The following DSTN variants were observed in gnomAD, a reference collection of about 807,000 sequenced individuals.
DSTN encodes destrin, actin depolymerizing factor, also known as destrin.
In DSTN, 10 loss-of-function variants were observed where a neutral mutation model predicts 16.8. That is an observed-to-expected ratio of 0.60 (90% CI 0.37 to 1.01). The LOEUF is 1.01. DSTN is among the 50% of genes least tolerant of loss of function. The pLI is 0.01. For missense variants in DSTN, 141 were observed against 196.7 expected (o/e 0.72, Z 1.69); for synonymous variants, 57 against 58.9 (o/e 0.97, Z 0.14).
chr20:17,576,013 A>AT (rs1342727896), intron 1 of DSTN, among the ~76,000 whole-genome samples: 1 of 152,208 alleles, frequency 6.6e-6, no homozygotes. Context: ...GTGCTTCTGA[A>AT]TTACCTCCTG....
chr20:17,573,469 T>G (rs1013487281), intron 1 of DSTN, among the ~76,000 whole-genome samples: 3 of 152,216 alleles, frequency 2.0e-5, no homozygotes, highest in African/African-American at 7.2e-5. Flanking sequence ...TGCCTTTTTT[T>G]GGTCTATTTA....
chr20:17,602,068 G>A (rs1303247685), intron 2 of DSTN, among the ~76,000 whole-genome samples: 1 of 152,140 alleles, frequency 6.6e-6, no homozygotes, highest in Non-Finnish European at 1.5e-5. Context: ...TATGGGAGTA[G>A]GAGATGCAGA....
intron 1 of DSTN, chr20:17,592,000 G>A (rs1016441281): frequency 1.0e-5 from 10 of 985,332 alleles, no homozygotes; most frequent in Non-Finnish European, 1.2e-5. Flanking sequence ...AGATACACAG[G>A]CACTACGAGA....
chr20:17,589,377 AT>A (rs1411607735), intron 1 of DSTN, among the ~76,000 whole-genome samples: 6 of 151,976 alleles, frequency 3.9e-5, no homozygotes, highest in Non-Finnish European at 7.4e-5. Flanking sequence ...TGCCTGGCTA[AT>A]TTTTGTATTT....
chr20:17,585,669 A>G (rs867253129), intron 1 of DSTN, among the ~76,000 whole-genome samples: 5 of 152,328 alleles, frequency 3.3e-5, no homozygotes, highest in African/African-American at 1.2e-4. Context: ...ACACATATAT[A>G]TACATACACA....
At chr20:17,597,594 C>T (rs4813273) in intron 1 of DSTN, among the ~76,000 whole-genome samples, 76,881 of 152,050 alleles carry the variant, frequency 0.51, 23,280 homozygotes, top group African/African-American at 0.84. Flanking sequence ...TTAATTAATT[C>T]CTCATCCTCC....
chr20:17,582,751 A>G (rs562566200), intron 1 of DSTN, among the ~76,000 whole-genome samples: 1 of 152,368 alleles, frequency 6.6e-6, no homozygotes, highest in Non-Finnish European at 1.5e-5. Context: ...ATGAACTTCT[A>G]GAACACATAG....
intron 1 of DSTN, among the ~76,000 whole-genome samples, chr20:17,590,718 T>A (rs2035460257): frequency 6.6e-6 from 1 of 151,928 alleles, no homozygotes; most frequent in African/African-American, 2.4e-5. Flanking sequence ...TCTTAGAAAA[T>A]TTTTTAAGTA....
intron 1 of DSTN, among the ~76,000 whole-genome samples, chr20:17,583,735 C>CTTTTTTTT (rs71192397): frequency 0.082 from 5,935 of 72,456 alleles, 1,670 homozygotes; most frequent in Non-Finnish European, 0.1. Flanking sequence ...TTTGGAGTTT[C>CTTTTTTTT]TTTTTTTTTT....
intron 1 of DSTN, among the ~76,000 whole-genome samples, chr20:17,572,429 C>G (rs1256790098): frequency 6.6e-6 from 1 of 152,176 alleles, no homozygotes; most frequent in Non-Finnish European, 1.5e-5. Context: ...CTCAGTAGTT[C>G]TACTGGATAT....
At chr20:17,602,520 A>G (rs2035597330) in intron 2 of DSTN, among the ~76,000 whole-genome samples, 1 of 152,226 alleles carries the variant, frequency 6.6e-6, no homozygotes, top group Non-Finnish European at 1.5e-5. Flanking sequence ...GTGGAAAATA[A>G]TAGAAGAAAA....
rs79306761 is a variant in DSTN, at chr20:17,585,497, T to C, written c.4-15241T>C. 9.1e-4 allele frequency among the ~76,000 whole-genome samples: 139 copies of C among 152,326 alleles called. 1 individual carries two copies. The East Asian group carries it at 0.026, about 28-fold the overall frequency. ...CATTTAGCTTACTGTTTGGTTAATATGCTGTTTCTCAAAGAGTAGAATACT... is the reference window on the plus strand; with the variant it reads ...CATTTAGCTTACTGTTTGGTTAATACGCTGTTTCTCAAAGAGTAGAATACT... On this transcript the variant is annotated intron_variant, in intron 1 of 3. Transcript: ENST00000246069.
intron 1 of DSTN, among the ~76,000 whole-genome samples, chr20:17,583,230 C>T (rs922443132): frequency 3.9e-5 from 6 of 152,230 alleles, no homozygotes; most frequent in African/African-American, 1.2e-4. Flanking sequence ...AGCACCCATA[C>T]ATTGCTGGTG....
intron 1 of DSTN, among the ~76,000 whole-genome samples, chr20:17,575,621 A>G (rs1331674429): frequency 6.6e-6 from 1 of 151,968 alleles, no homozygotes; most frequent in Non-Finnish European, 1.5e-5. Flanking sequence ...AGGCACAACC[A>G]CTCCCAGCTA....
intron 2 of DSTN, among the ~76,000 whole-genome samples, chr20:17,603,059 A>G (rs938724554): frequency 5.9e-5 from 9 of 152,152 alleles, no homozygotes; most frequent in Non-Finnish European, 1.2e-4. Context: ...CTGTAGCTCA[A>G]ACATCTGCCA....
intron 1 of DSTN, among the ~76,000 whole-genome samples, chr20:17,577,624 C>T (rs1278888495): frequency 1.3e-5 from 2 of 151,684 alleles, no homozygotes; most frequent in African/African-American, 4.8e-5. Context: ...ATCTTTAGGC[C>T]AGTGTTGTCA....
chr20:17,583,735 C>CTTTGTTTTTTTTTTT (rs1555808635), intron 1 of DSTN, among the ~76,000 whole-genome samples: 2 of 72,482 alleles, frequency 2.8e-5, no homozygotes, highest in Non-Finnish European at 4.7e-5. Flanking sequence ...TTTGGAGTTT[C>CTTTGTTTTTTTTTTT]TTTTTTTTTT....
In DSTN at chr20:17,601,191, A is replaced by C. The variant is rs1192042654; in HGVS notation, c.311+146A>C. On this transcript the variant is annotated intron_variant, in intron 2 of 3. Transcript: ENST00000246069. ...TATTTACAGGTTTCATAATGTTACC[A>C]GGGCTGATGTTTATGGGACCCAAAC... 24 of 1,017,340 alleles carry C rather than the reference A, an allele frequency of 2.4e-5. 1 individual carries two copies. Among genetic ancestry groups the C allele is most frequent in the Non-Finnish European group, 2.9e-5 (22 of 747,052 alleles). 63.0% of individuals were successfully genotyped at this position (1,017,340 alleles called of 1,614,324 possible).
intron 1 of DSTN, among the ~76,000 whole-genome samples, chr20:17,587,830 CAG>C (rs1244734191): frequency 6.6e-6 from 1 of 152,094 alleles, no homozygotes; most frequent in African/African-American, 2.4e-5. Context: ...TTGGTATTAA[CAG>C]AGTTAATTTT....
Sources: gnomAD v4.1 joint callset for allele counts (sites outside exome capture counted in the v4.1 genomes callset) on GRCh38, gnomAD v4.1.1 for gene constraint, MANE v1.5 for transcripts, NCBI Gene and HGNC (gene_info 2026-07-23, HGNC 2026-07-21) for gene names.